Variants in PTPRN2 observed in about 807,000 individuals in gnomAD.
The protein encoded by PTPRN2 is receptor-type tyrosine-protein phosphatase N2.
In PTPRN2, 74 loss-of-function variants were observed where a neutral mutation model predicts 118.8. The observed-to-expected ratio is 0.62, with a 90% CI of 0.52 to 0.76. The LOEUF is 0.76. Ranked by LOEUF, PTPRN2 falls within the 30% of genes least tolerant of loss-of-function variation. The pLI, the probability that PTPRN2 is intolerant of heterozygous loss-of-function variation, is 0.00. For missense variants in PTPRN2, 1,481 were observed against 1,394.4 expected (o/e 1.06, Z -0.99); for synonymous variants, 641 against 608.0 (o/e 1.05, Z -0.80).
chr7:157,564,375 T>C (rs974329427), intron 21 of PTPRN2, among the ~76,000 whole-genome samples: 3 of 152,230 alleles, frequency 2.0e-5, no homozygotes, highest in East Asian at 1.9e-4. Flanking sequence ...CGCCTTGGCC[T>C]CCCAAAGTGC....
At chr7:157,656,229 A>G (rs1269113955) in intron 14 of PTPRN2, 128 bp downstream of exon 14, 1 of 919,970 alleles carries the variant, frequency 1.1e-6, no homozygotes, top group Non-Finnish European at 1.6e-6. Context: ...CAGCCTCTGC[A>G]GCGGGCAGGG....
chr7:157,902,896 C>T (rs766170909), intron 11 of PTPRN2, among the ~76,000 whole-genome samples: 1 of 152,300 alleles, frequency 6.6e-6, no homozygotes, highest in Non-Finnish European at 1.5e-5. Flanking sequence ...CCTAGCAGAG[C>T]TGCCTCCCAA....
chr7:158,047,341 G>A (rs187148853), intron 11 of PTPRN2, among the ~76,000 whole-genome samples: 2 of 152,362 alleles, frequency 1.3e-5, no homozygotes, highest in Admixed American at 6.5e-5. Context: ...TTCAGCTCAG[G>A]AGAATAAACA....
intron 12 of PTPRN2, among the ~76,000 whole-genome samples, chr7:157,830,210 G>A (rs1807469512): frequency 6.6e-6 from 1 of 151,988 alleles, no homozygotes; most frequent in African/African-American, 2.4e-5. Context: ...GGCATCTGGG[G>A]TCCCTGAATT....
intron 11 of PTPRN2, among the ~76,000 whole-genome samples, chr7:157,968,601 G>A (rs1201399774): frequency 6.6e-6 from 1 of 152,184 alleles, no homozygotes; most frequent in Non-Finnish European, 1.5e-5. Flanking sequence ...GTGCCGGCTG[G>A]GGCTGGGCTC....
rs1458838195 is a variant in PTPRN2 at position 158,333,979 on chromosome 7, TA to T, written c.164-17048del. Among the ~76,000 whole-genome samples the T allele has an allele frequency of 1.4e-3, 18 of 13,220 alleles. 2 individuals are homozygous for T. Among genetic ancestry groups the T allele is most frequent in the Non-Finnish European group, 2.4e-3 (13 of 5,448 alleles). The allele number at this position is 13,220 out of a possible 152,430, so 8.7% of individuals were successfully genotyped here. On this transcript the variant is annotated intron_variant, in intron 2 of 22. Transcript: ENST00000389418. Reference sequence around the variant, plus strand: ...GTCACTCACACCCACAATCTCACCATAAGAGCCGACACCCGCAGACATCACT... The same window carrying T: ...GTCACTCACACCCACAATCTCACCATAGAGCCGACACCCGCAGACATCACT...
At chr7:157,875,217 C>A (rs1216055082) in intron 12 of PTPRN2, among the ~76,000 whole-genome samples, 1 of 152,194 alleles carries the variant, frequency 6.6e-6, no homozygotes, top group Non-Finnish European at 1.5e-5. Context: ...CAAAGTTTTC[C>A]TAAAGGGCTT....
chr7:158,566,483 C>T (rs1027208391), intron 1 of PTPRN2, among the ~76,000 whole-genome samples: 1 of 152,222 alleles, frequency 6.6e-6, no homozygotes, highest in Admixed American at 6.5e-5. Flanking sequence ...CTTGGCAGCC[C>T]CGGGCCAGGC....
At chr7:158,312,485 C>A (rs557176633) in intron 3 of PTPRN2, among the ~76,000 whole-genome samples, 2 of 151,936 alleles carry the variant, frequency 1.3e-5, no homozygotes, top group Admixed American at 6.6e-5. Flanking sequence ...CACATGTACA[C>A]ACACGTGCTC....
chr7:157,949,538 C>A (rs1800683786), intron 11 of PTPRN2, among the ~76,000 whole-genome samples: 1 of 152,214 alleles, frequency 6.6e-6, no homozygotes, highest in African/African-American at 2.4e-5. Context: ...AGTTGAACAT[C>A]ATTGAGGGGC....
chr7:157,766,177 G>C (rs1802469731), intron 12 of PTPRN2, among the ~76,000 whole-genome samples: 1 of 108,978 alleles, frequency 9.2e-6, no homozygotes, highest in Non-Finnish European at 1.8e-5. Context: ...TCCCCCATCT[G>C]TCCACCAATC....
chr7:157,596,413 G>A lies in PTPRN2; in HGVS notation c.2419-1098C>T, dbSNP rs772503639. Among the ~76,000 whole-genome samples the A allele has an allele frequency of 2.6e-5, 4 of 152,224 alleles. No individual in the cohort carries two copies. Among genetic ancestry groups the A allele is most frequent in the African/African-American group, 7.2e-5 (3 of 41,446 alleles). On this transcript the variant is annotated intron_variant, in intron 16 of 22. Transcript: ENST00000389418. The surrounding 1 kb of genome is among the most constrained non-coding windows in gnomAD (Gnocchi z 4.2). The stretch of plus-strand genomic sequence containing the variant: ...CTCCGGCTCCCCAGTTTGTCCGAAC[G>A]CATCTTGCTAGCTCCAATGGGAGAA...
intron 6 of PTPRN2, among the ~76,000 whole-genome samples, chr7:158,158,455 C>T (rs1295910034): frequency 6.8e-6 from 1 of 147,962 alleles, no homozygotes; most frequent in Non-Finnish European, 1.5e-5. Flanking sequence ...GACCAGAACA[C>T]GCTTATTTTG....
intron 13 of PTPRN2, among the ~76,000 whole-genome samples, chr7:157,672,823 T>C (rs1796481893): frequency 6.6e-6 from 1 of 152,214 alleles, no homozygotes; most frequent in Non-Finnish European, 1.5e-5. Flanking sequence ...CTGTAGTGAA[T>C]TATGTATTTT....
chr7:157,893,650 G>C lies in PTPRN2; in HGVS notation c.1788+5023C>G, dbSNP rs1414811920. On this transcript the variant is annotated intron_variant, in intron 12 of 22. Transcript: ENST00000389418. The surrounding 1 kb of genome is among the most constrained non-coding windows in gnomAD (Gnocchi z 4.0). ...CCTGCGTGGCCCACTTTAAGTGTGAGGCTCCTCTACAGATCTCCCAGGAGA... is the reference window on the plus strand; with the variant it reads ...CCTGCGTGGCCCACTTTAAGTGTGACGCTCCTCTACAGATCTCCCAGGAGA... 6.6e-6 allele frequency among the ~76,000 whole-genome samples: 1 copy of C among 152,224 alleles called. No individual in the cohort carries two copies. Among genetic ancestry groups the C allele is most frequent in the African/African-American group, 2.4e-5 (1 of 41,470 alleles).
At chr7:158,095,003 G>A (rs1029086595) in intron 10 of PTPRN2, among the ~76,000 whole-genome samples, 4 of 152,134 alleles carry the variant, frequency 2.6e-5, no homozygotes, top group Non-Finnish European at 4.4e-5. Context: ...GAAGTGTAAC[G>A]CACACTCATG....
intron 2 of PTPRN2, among the ~76,000 whole-genome samples, chr7:158,462,738 G>T (rs1355980527): frequency 6.6e-6 from 1 of 152,158 alleles, no homozygotes; most frequent in African/African-American, 2.4e-5. Context: ...TCAAACACAG[G>T]AAGGATGTCC....
At chr7:157,856,655 C>T (rs28758222) in intron 12 of PTPRN2, among the ~76,000 whole-genome samples, 42,264 of 152,124 alleles carry the variant, frequency 0.28, 8,853 homozygotes, top group African/African-American at 0.59. Flanking sequence ...TGACAAAATA[C>T]ATTAAACATA....
At chr7:158,080,808 G>A (rs1023944768) in intron 11 of PTPRN2, among the ~76,000 whole-genome samples, 2 of 152,174 alleles carry the variant, frequency 1.3e-5, no homozygotes, top group African/African-American at 2.4e-5. Context: ...GAAGTCGGCC[G>A]GTTTTTACTG....
Sources: allele counts gnomAD v4.1 joint callset (sites outside exome capture counted in the v4.1 genomes callset), GRCh38; gene constraint gnomAD v4.1.1; non-coding constraint Gnocchi (gnomAD v3.1); transcripts MANE v1.5; gene names NCBI Gene and HGNC (gene_info 2026-07-23, HGNC 2026-07-21).